CELA2A: variants seen among roughly 807,000 people sequenced by gnomAD.
CELA2A encodes the protein chymotrypsin like elastase 2A.
CELA2A carries 31 observed loss-of-function variants against 35.3 expected under a neutral mutation model. The observed-to-expected ratio is 0.88, with a 90% CI of 0.66 to 1.19. The LOEUF is 1.19. Ranked by LOEUF, CELA2A falls within the 50% of genes most tolerant of loss-of-function variation. CELA2A has a pLI of 0.00. For synonymous variants in CELA2A, 150 were observed against 149.8 expected (o/e 1.00, Z -0.01); for missense variants, 330 against 352.9 (o/e 0.94, Z 0.52).
chr1:15,457,441 C>G (rs940691554), intron 2 of CELA2A: 2 of 403,026 alleles, frequency 5.0e-6, no homozygotes, highest in African/African-American at 4.1e-5. Context: ...GTGAAACCTG[C>G]CTCTACTAAT....
chr1:15,466,493 C>T (rs938601631), intron 6 of CELA2A, among the ~76,000 whole-genome samples: 10 of 151,634 alleles, frequency 6.6e-5, no homozygotes, highest in African/African-American at 2.2e-4. Context: ...ACCCATGAGG[C>T]GGAGGTTGCA....
At chr1:15,459,897 G>T (rs4661628) in intron 2 of CELA2A, among the ~76,000 whole-genome samples, 83,265 of 150,250 alleles carry the variant, frequency 0.55, 24,440 homozygotes, top group East Asian at 0.72. Flanking sequence ...CAGGAGGATT[G>T]CTTGAGCCCA....
intron 2 of CELA2A, among the ~76,000 whole-genome samples, chr1:15,461,264 G>A (rs921487896): frequency 1.3e-5 from 2 of 152,168 alleles, no homozygotes; most frequent in Non-Finnish European, 2.9e-5. Flanking sequence ...GTTTCACCAT[G>A]TTGCCCAGGC....
chr1:15,466,025 C>A lies in CELA2A; in HGVS notation c.520C>A (p.Gln174Lys). 6.2e-7 allele frequency: 1 copy of A among 1,614,158 alleles called. No homozygotes were observed. The highest frequency in any genetic ancestry group is 8.5e-7 in the Non-Finnish European group (1 of 1,180,024). The change falls in exon 6 of 8, where the codon CAG becomes AAG. Residue 174 changes from glutamine to lysine, a missense_variant. Coordinates refer to ENST00000359621, the MANE Select transcript of CELA2A (RefSeq NM_033440.3). ...QTNGAVPDVLQQGRLLVVDYA... is the reference protein window; with the variant it reads ...QTNGAVPDVLKQGRLLVVDYA... ...CAACGGGGCTGTTCCTGATGTCCTG[C>A]AGCAGGGCCGGTTGCTGGTTGTGGA...
At chr1:15,459,124 G>A (rs1708398589) in intron 2 of CELA2A, among the ~76,000 whole-genome samples, 1 of 150,356 alleles carries the variant, frequency 6.7e-6, no homozygotes, top group African/African-American at 2.4e-5. Flanking sequence ...CCAAAGTGCT[G>A]GGATTACAGG....
At chr1:15,457,437 C>G (rs1221779374) in intron 2 of CELA2A, 12 of 410,932 alleles carry the variant, frequency 2.9e-5, no homozygotes, top group Non-Finnish European at 4.5e-5. Context: ...CATGGTGAAA[C>G]CTGCCTCTAC....
intron 6 of CELA2A, among the ~76,000 whole-genome samples, chr1:15,466,812 C>T (rs866454160): frequency 5.3e-5 from 8 of 152,304 alleles, no homozygotes; most frequent in African/African-American, 1.7e-4. Context: ...AATGGCGCAG[C>T]GTGTCCCCTC....
At chr1:15,461,175 G>C (rs1034668658) in intron 2 of CELA2A, among the ~76,000 whole-genome samples, 1 of 152,040 alleles carries the variant, frequency 6.6e-6, no homozygotes, top group East Asian at 1.9e-4. Context: ...CAGGTCCCTC[G>C]CACGACAAAT....
rs757984691 is a variant in CELA2A at position 15,467,398 on chromosome 1, G to A, written c.652G>A (p.Gly218Arg). Residue 218 changes from glycine to arginine, a missense_variant, in exon 7 of 8, where the codon GGG becomes AGG. By Grantham distance (125) the Gly-to-Arg change is moderately radical. Coordinates refer to ENST00000359621, the MANE Select transcript of CELA2A (RefSeq NM_033440.3). ...TGGCCTTCCTCAGGGAGACTCTGGCGGGCCACTGAACTGTCAGGCGTCTGA... is the reference window on the plus strand; with the variant it reads ...TGGCCTTCCTCAGGGAGACTCTGGCAGGCCACTGAACTGTCAGGCGTCTGA... ...VISSCNGDSG[G>R]PLNCQASDGR... 1.1e-5 allele frequency: 18 copies of A among 1,613,392 alleles called. No individual in the cohort carries two copies. In the South Asian group the frequency reaches 1.8e-4, roughly 16 times the overall value.
chr1:15,465,086 A>G (rs1708498104), intron 5 of CELA2A, among the ~76,000 whole-genome samples: 1 of 131,112 alleles, frequency 7.6e-6, no homozygotes, highest in Non-Finnish European at 1.5e-5. Context: ...ATCTCGGCTC[A>G]CTGCAACCTC....
rs200155026 is a variant in CELA2A, at chr1:15,467,464, C to T, written c.718C>T (p.Arg240Cys). Residue 240 changes from arginine (R) to cysteine (C), a missense_variant, in exon 7 of 8, where the codon CGC becomes TGC. Physicochemically the swap from Arg to Cys is radical, Grantham distance 180. Transcript: ENST00000359621. ...GCACGGCATCGTCAGCTTCGGGTCT[C>T]GCCTCGGCTGCAACTACTACCACAA... is the stretch of plus-strand genomic sequence containing the variant. The part of the protein sequence containing the change: ...QVHGIVSFGS[R>C]LGCNYYHKPS... 3.0e-5 allele frequency: 49 copies of T among 1,614,048 alleles called. No individual in the cohort carries two copies. Among genetic ancestry groups the T allele is most frequent in the Admixed American group, 1.7e-4 (10 of 60,004 alleles).
chr1:15,457,608 TC>T, intron 2 of CELA2A: 1 of 147,888 alleles, frequency 6.8e-6, no homozygotes, highest in Non-Finnish European at 1.5e-5. Flanking sequence ...AGACTCTGTC[TC>T]AAAAAAAAAA....
chr1:15,470,862 T>C (rs931769957), intron 7 of CELA2A, among the ~76,000 whole-genome samples: 1 of 152,224 alleles, frequency 6.6e-6, no homozygotes, highest in African/African-American at 2.4e-5. Context: ...ATTACAGGCA[T>C]GAGCCACTGT....
At chr1:15,468,110 A>C (rs1450247096) in intron 7 of CELA2A, among the ~76,000 whole-genome samples, 2 of 151,840 alleles carry the variant, frequency 1.3e-5, no homozygotes, top group African/African-American at 4.8e-5. Context: ...AAAAAAAAAA[A>C]AAAAGAGTGA....
intron 7 of CELA2A, among the ~76,000 whole-genome samples, chr1:15,469,474 A>C (rs1000635416): frequency 6.6e-6 from 1 of 152,190 alleles, no homozygotes; most frequent in African/African-American, 2.4e-5. Flanking sequence ...AATTAAACTG[A>C]CACTTATAAA....
At position 15,467,505 on chromosome 1, in the gene CELA2A, G is replaced by C; in HGVS notation, c.759G>C (p.Thr253=). ...ACTACCACAAGCCCTCCGTCTTCAC[G>C]CGGGTCTCCAATTACATCGACTGGA... ...CNYYHKPSVF[T]RVSNYIDWIN... is the part of the protein sequence containing the mutation. The change falls in exon 7 of 8, where the codon ACG becomes ACC. Residue 253 remains threonine, a synonymous_variant. Transcript: ENST00000359621. 1 of 1,614,130 alleles carries C rather than the reference G, an allele frequency of 6.2e-7. No homozygotes were observed.
At chr1:15,463,318 G>A (rs1708465584) in intron 4 of CELA2A, 68 bp from the exon 5 acceptor site, 1 of 1,605,856 alleles carries the variant, frequency 6.2e-7, no homozygotes, top group Non-Finnish European at 8.5e-7. Context: ...AGGTCTCCAA[G>A]CCCTCCAAAG....
At chr1:15,459,116 A>G (rs1385815811) in intron 2 of CELA2A, among the ~76,000 whole-genome samples, 4 of 150,588 alleles carry the variant, frequency 2.7e-5, no homozygotes, top group Non-Finnish European at 5.9e-5. Context: ...TCAGCCTCCC[A>G]AAGTGCTGGG....
chr1:15,469,480 A>G (rs1250330991), intron 7 of CELA2A, among the ~76,000 whole-genome samples: 7 of 152,200 alleles, frequency 4.6e-5, no homozygotes, highest in Non-Finnish European at 8.8e-5. Context: ...ACTGACACTT[A>G]TAAAACCAAA....
Sources: gnomAD v4.1 joint callset for allele counts (sites outside exome capture counted in the v4.1 genomes callset) on GRCh38, gnomAD v4.1.1 for gene constraint, MANE v1.5 for transcripts, NCBI Gene and HGNC (gene_info 2026-07-23, HGNC 2026-07-21) for gene names.